Variants in TRPC4 observed in about 807,000 individuals in gnomAD.
TRPC4 encodes transient receptor potential cation channel subfamily C member 4.
In TRPC4, 49 loss-of-function variants were observed where a neutral mutation model predicts 99.4. The ratio of observed to expected loss-of-function variants is 0.49; its 90% CI spans 0.39 to 0.63. TRPC4 has a LOEUF of 0.63. Ranked by LOEUF, TRPC4 falls within the 20% of genes least tolerant of loss-of-function variation. The probability of loss-of-function intolerance (pLI) is 0.00; values close to 1 mark genes in which losing one functional copy is unlikely to be tolerated. For synonymous variants in TRPC4, 454 were observed against 425.9 expected, an observed-to-expected ratio of 1.07 and a Z score of -0.81; for missense variants, 898 against 1,152.9, an observed-to-expected ratio of 0.78 and a Z score of 3.20.
At chr13:37,659,140 C>T (rs1197178673) in intron 6 of TRPC4, among the ~76,000 whole-genome samples, 1 of 152,048 alleles carries the variant, frequency 6.6e-6, no homozygotes, top group East Asian at 1.9e-4. Context: ...GAAATGTAAT[C>T]CCTGATGTTG....
At chr13:37,705,469 A>G (rs1954241726) in intron 3 of TRPC4, among the ~76,000 whole-genome samples, 1 of 152,204 alleles carries the variant, frequency 6.6e-6, no homozygotes, top group Non-Finnish European at 1.5e-5. Context: ...AGATAAGGAA[A>G]TGAAGTAACG....
At chr13:37,757,294 A>G (rs1003906296) in intron 2 of TRPC4, among the ~76,000 whole-genome samples, 2 of 152,066 alleles carry the variant, frequency 1.3e-5, no homozygotes, top group Non-Finnish European at 1.5e-5. Context: ...GCCTACATTC[A>G]TAATTGAAGG....
intron 1 of TRPC4, among the ~76,000 whole-genome samples, chr13:37,807,854 C>A (rs1419930578): frequency 6.6e-6 from 1 of 152,008 alleles, no homozygotes; most frequent in Admixed American, 6.6e-5. Context: ...ATTTTGAGAT[C>A]TTCCATTAAA....
At chr13:37,816,554 A>C (rs557963034) in intron 1 of TRPC4, among the ~76,000 whole-genome samples, 1 of 152,110 alleles carries the variant, frequency 6.6e-6, no homozygotes, top group African/African-American at 2.4e-5. Context: ...CCTGATACCA[A>C]AATCTGGCAG....
At chr13:37,664,851 T>G (rs888358153) in intron 5 of TRPC4, among the ~76,000 whole-genome samples, 1 of 152,156 alleles carries the variant, frequency 6.6e-6, no homozygotes, top group Admixed American at 6.5e-5. Flanking sequence ...AACTAATAGA[T>G]AGTATTTTTT....
At chr13:37,867,647 T>C (rs17056743) in intron 1 of TRPC4, among the ~76,000 whole-genome samples, 5,818 of 152,114 alleles carry the variant, frequency 0.038, 155 homozygotes, top group African/African-American at 0.069. Flanking sequence ...TCATCTACAG[T>C]TCAGAAACAG....
intron 4 of TRPC4, among the ~76,000 whole-genome samples, chr13:37,676,396 T>TG (rs1953052335): frequency 6.8e-6 from 1 of 147,430 alleles, no homozygotes; most frequent in Non-Finnish European, 1.5e-5. Flanking sequence ...TTTTTTTAGT[T>TG]GGAGTCTCAC....
intron 3 of TRPC4, among the ~76,000 whole-genome samples, chr13:37,743,832 G>A (rs1955663576): frequency 6.6e-6 from 1 of 152,136 alleles, no homozygotes. Context: ...ATTCTGTTAT[G>A]AGGATATGGT....
At chr13:37,861,808 G>A (rs1193787980) in intron 1 of TRPC4, among the ~76,000 whole-genome samples, 1 of 151,486 alleles carries the variant, frequency 6.6e-6, no homozygotes, top group Non-Finnish European at 1.5e-5. Context: ...AGCACATGCA[G>A]AGGGACATAT....
intron 2 of TRPC4, among the ~76,000 whole-genome samples, chr13:37,764,318 ATAAT>A (rs1956298982): frequency 6.6e-6 from 1 of 151,290 alleles, no homozygotes; most frequent in South Asian, 2.1e-4. Flanking sequence ...ACATTTTTCT[ATAAT>A]TATACATTTG....
intron 2 of TRPC4, among the ~76,000 whole-genome samples, chr13:37,767,869 A>ACT (rs1956426835): frequency 1.3e-5 from 2 of 151,476 alleles, no homozygotes; most frequent in South Asian, 4.1e-4. Flanking sequence ...AACAGAAAAG[A>ACT]CTAAGATTTT....
At chr13:37,687,198 C>T (rs1055437607) in intron 4 of TRPC4, among the ~76,000 whole-genome samples, 2 of 152,020 alleles carry the variant, frequency 1.3e-5, no homozygotes, top group African/African-American at 4.8e-5. Context: ...CCCCTGACCT[C>T]GTGATCCACC....
At chr13:37,745,758 C>T (rs1420298500) in intron 3 of TRPC4, among the ~76,000 whole-genome samples, 179 bp downstream of exon 3, 2 of 151,674 alleles carry the variant, frequency 1.3e-5, no homozygotes, top group South Asian at 2.1e-4. Flanking sequence ...ATTATTAAAC[C>T]ATTTATTACC....
At chr13:37,692,796 T>C (rs975525293) in intron 3 of TRPC4, among the ~76,000 whole-genome samples, 18 of 152,230 alleles carry the variant, frequency 1.2e-4, no homozygotes, top group East Asian at 3.9e-4. Context: ...TTTTCTATAA[T>C]AGATATTTAT....
At chr13:37,775,335 T>G (rs570119363) in intron 2 of TRPC4, among the ~76,000 whole-genome samples, 75 of 151,898 alleles carry the variant, frequency 4.9e-4, no homozygotes, top group Non-Finnish European at 9.4e-4. Flanking sequence ...GCATAGAACC[T>G]GGTGACTGGC....
intron 6 of TRPC4, 47 bp downstream of exon 6, chr13:37,663,369 T>C (rs1215664902): frequency 6.5e-7 from 1 of 1,547,122 alleles, no homozygotes; most frequent in Non-Finnish European, 8.7e-7. Flanking sequence ...TGTGGTGCAC[T>C]CTAAATGCTG....
intron 1 of TRPC4, among the ~76,000 whole-genome samples, chr13:37,849,000 G>A (rs1449342767): frequency 6.6e-6 from 1 of 152,076 alleles, no homozygotes; most frequent in African/African-American, 2.4e-5. Context: ...CTGTTAAGCA[G>A]GCTTGATTAT....
chr13:37,816,980 C>T (rs1323510860), intron 1 of TRPC4, among the ~76,000 whole-genome samples: 1 of 152,040 alleles, frequency 6.6e-6, no homozygotes, highest in African/African-American at 2.4e-5. Context: ...GATGCCTTCT[C>T]TCACCACTCT....
At chr13:37,691,056 T>A (rs1164611749) in intron 4 of TRPC4, among the ~76,000 whole-genome samples, 1 of 152,156 alleles carries the variant, frequency 6.6e-6, no homozygotes, top group African/African-American at 2.4e-5. Flanking sequence ...ACCATGGCTA[T>A]AATAACAAGG....
Sources: gnomAD v4.1 joint callset for allele counts (sites outside exome capture counted in the v4.1 genomes callset) on GRCh38, gnomAD v4.1.1 for gene constraint, MANE v1.5 for transcripts, NCBI Gene and HGNC (gene_info 2026-07-23, HGNC 2026-07-21) for gene names.